Variants in ARNT2 observed in about 807,000 individuals in gnomAD.
ARNT2 encodes the protein aryl hydrocarbon receptor nuclear translocator 2.
In ARNT2, 36 loss-of-function variants were observed where a neutral mutation model predicts 91.7. The ratio of observed to expected loss-of-function variants is 0.39; its 90% CI spans 0.30 to 0.52. The LOEUF (loss-of-function observed/expected upper bound fraction) is 0.52. ARNT2 is among the 20% of genes least tolerant of loss of function. The probability of loss-of-function intolerance (pLI) is 0.72; values close to 1 mark genes in which losing one functional copy is unlikely to be tolerated. For synonymous variants in ARNT2, 365 were observed against 347.1 expected (o/e 1.05, Z -0.57); for missense variants, 775 against 939.3 (o/e 0.83, Z 2.29).
At chr15:80,507,570 G>C (rs553061860) in intron 5 of ARNT2, among the ~76,000 whole-genome samples, 1 of 152,086 alleles carries the variant, frequency 6.6e-6, no homozygotes, top group African/African-American at 2.4e-5. Flanking sequence ...GATATAGTAC[G>C]GTCATTGGCA....
intron 15 of ARNT2, 114 bp from the exon 16 acceptor site, chr15:80,580,297 G>A: frequency 7.5e-7 from 1 of 1,328,056 alleles, no homozygotes; most frequent in Non-Finnish European, 1.1e-6. Flanking sequence ...GTGACGTGCT[G>A]CATGGAGAGA....
chr15:80,436,803 G>A (rs1211507461), intron 1 of ARNT2, among the ~76,000 whole-genome samples: 1 of 152,212 alleles, frequency 6.6e-6, no homozygotes, highest in East Asian at 1.9e-4. Context: ...CTTCAAAGGT[G>A]TGGGTTTTGC....
At chr15:80,497,667 G>A (rs1001767077) in intron 5 of ARNT2, among the ~76,000 whole-genome samples, 4 of 152,194 alleles carry the variant, frequency 2.6e-5, no homozygotes, top group African/African-American at 7.2e-5. Flanking sequence ...TCTGTTGAGG[G>A]CAGTAGCATT....
At chr15:80,408,013 A>G (rs1011571297) in intron 1 of ARNT2, among the ~76,000 whole-genome samples, 1 of 152,244 alleles carries the variant, frequency 6.6e-6, no homozygotes, top group African/African-American at 2.4e-5. Context: ...TATGTTTTAA[A>G]GGATTTCAAA....
intron 1 of ARNT2, among the ~76,000 whole-genome samples, chr15:80,419,835 T>C (rs904404113): frequency 1.3e-5 from 2 of 152,224 alleles, no homozygotes; most frequent in Non-Finnish European, 2.9e-5. Flanking sequence ...GGTTTTCCTG[T>C]GCCTGGCAGC....
intron 1 of ARNT2, chr15:80,433,962 T>G (rs1346948408): frequency 1.3e-5 from 2 of 152,392 alleles, no homozygotes; most frequent in East Asian, 3.9e-4. Flanking sequence ...GTGCATTCCT[T>G]CCTTCTGAGT....
At chr15:80,465,976 C>T (rs998844791) in intron 3 of ARNT2, among the ~76,000 whole-genome samples, 8 of 152,230 alleles carry the variant, frequency 5.3e-5, no homozygotes, top group African/African-American at 1.9e-4. Context: ...TCCTGTCCAG[C>T]ACCCGTCTCC....
At chr15:80,576,812 G>C in intron 14 of ARNT2, 54 bp from the exon 15 acceptor site, 1 of 1,595,338 alleles carries the variant, frequency 6.3e-7, no homozygotes, top group Non-Finnish European at 8.6e-7. Flanking sequence ...AGCCTCCTCT[G>C]TGGTCTGCAG....
chr15:80,568,764 T>C (rs983495841), intron 12 of ARNT2, among the ~76,000 whole-genome samples: 10 of 152,338 alleles, frequency 6.6e-5, no homozygotes, highest in Admixed American at 2.6e-4. Context: ...AGGTTCTACC[T>C]GCGATTCTCT....
At chr15:80,527,831 C>T (rs1020092154) in intron 8 of ARNT2, among the ~76,000 whole-genome samples, 2 of 152,170 alleles carry the variant, frequency 1.3e-5, no homozygotes, top group Non-Finnish European at 2.9e-5. Flanking sequence ...TTGAGAACCA[C>T]ATGTAATTCA....
At chr15:80,586,994 C>T (rs1315838370) in intron 17 of ARNT2, among the ~76,000 whole-genome samples, 1 of 152,206 alleles carries the variant, frequency 6.6e-6, no homozygotes, top group African/African-American at 2.4e-5. Context: ...CATGCACCCT[C>T]TTCCTCCCCA....
At chr15:80,512,125 TTAAAG>T (rs1409412942) in intron 6 of ARNT2, among the ~76,000 whole-genome samples, 3 of 152,276 alleles carry the variant, frequency 2.0e-5, no homozygotes, top group Middle Eastern at 3.4e-3. Context: ...TTTCCCTAAT[TTAAAG>T]TAATCTTTTA....
intron 12 of ARNT2, among the ~76,000 whole-genome samples, chr15:80,572,419 T>G (rs1898600129): frequency 6.6e-6 from 1 of 151,930 alleles, no homozygotes; most frequent in African/African-American, 2.4e-5. Context: ...CCCAGGAAGC[T>G]GGTCTACCTT....
rs570766826 is a variant in ARNT2, at chr15:80,429,465, G to A, written c.32-21415G>A. Among the ~76,000 whole-genome samples, 7 of 152,328 alleles carry A rather than the reference G, an allele frequency of 4.6e-5. No homozygotes were observed. The East Asian group carries it at 7.7e-4, about 17-fold the overall frequency. ...AGGTGGGGCGCCTGGAGAGGGCATG[G>A]AGGCTCCACCCACCCCACCCCGCAA... On this transcript the variant is annotated intron_variant, in intron 1 of 18. Transcript: ENST00000303329.
chr15:80,476,279 C>T (rs1366029274), intron 5 of ARNT2, among the ~76,000 whole-genome samples: 3 of 152,088 alleles, frequency 2.0e-5, no homozygotes, highest in Non-Finnish European at 2.9e-5. Context: ...CACCGTGGGC[C>T]GAGAGAGCTG....
chr15:80,427,095 C>G (rs552684163), intron 1 of ARNT2, among the ~76,000 whole-genome samples: 1 of 152,246 alleles, frequency 6.6e-6, no homozygotes, highest in South Asian at 2.1e-4. Context: ...CGATTCAGTC[C>G]CTACCACCAG....
rs1010386203 is a variant in ARNT2 at position 80,404,888 on chromosome 15, G to A, written c.31+342G>A. ...CCCATCCCACGCATTTTTCTCTTCCGGTCCCGGCTTTTGTGGCATCACGGC... is the reference window on the plus strand; with the variant it reads ...CCCATCCCACGCATTTTTCTCTTCCAGTCCCGGCTTTTGTGGCATCACGGC... On this transcript the variant is annotated intron_variant, in intron 1 of 18. Coordinates refer to ENST00000303329, the MANE Select transcript of ARNT2 (RefSeq NM_014862.4). This position sits in a 1 kb window ranked among gnomAD's most constrained non-coding sequence, Gnocchi z 5.5. 5.3e-5 allele frequency among the ~76,000 whole-genome samples: 8 copies of A among 152,198 alleles called. No homozygotes were observed. Among genetic ancestry groups the A allele is most frequent in the African/African-American group, 1.7e-4 (7 of 41,462 alleles).
intron 10 of ARNT2, 80 bp from the exon 11 acceptor site, chr15:80,554,985 T>G: frequency 6.9e-7 from 1 of 1,445,966 alleles, no homozygotes; most frequent in Non-Finnish European, 9.7e-7. Context: ...GAGATGGAAA[T>G]GAACACTGTT....
intron 1 of ARNT2, among the ~76,000 whole-genome samples, chr15:80,426,294 T>C (rs1251634865): frequency 6.6e-6 from 1 of 152,236 alleles, no homozygotes; most frequent in Non-Finnish European, 1.5e-5. Flanking sequence ...TAGAAGATTC[T>C]TGAGATCTTC....
Sources: gnomAD v4.1 joint callset for allele counts (sites outside exome capture counted in the v4.1 genomes callset) on GRCh38, gnomAD v4.1.1 for gene constraint, Gnocchi (gnomAD v3.1) non-coding constraint, MANE v1.5 for transcripts, NCBI Gene and HGNC (gene_info 2026-07-23, HGNC 2026-07-21) for gene names.